The following SLC2A9 variants were observed in gnomAD, a reference collection of about 807,000 sequenced individuals.
The protein encoded by SLC2A9 is solute carrier family 2, facilitated glucose transporter member 9.
Under a neutral mutation model 50.6 loss-of-function variants are expected in SLC2A9, and 39 were observed. That is an observed-to-expected ratio of 0.77 (90% CI 0.60 to 1.01). The LOEUF is 1.01. Ranked by LOEUF, SLC2A9 falls within the 50% of genes least tolerant of loss-of-function variation. The pLI is 0.00. For synonymous variants in SLC2A9, 324 were observed against 276.9 expected, an observed-to-expected ratio of 1.17 and a Z score of -1.69; for missense variants, 686 against 677.6, an observed-to-expected ratio of 1.01 and a Z score of -0.14.
At chr4:9,878,145 CAT>C (rs936756552) in intron 10 of SLC2A9, among the ~76,000 whole-genome samples, 12 of 150,420 alleles carry the variant, frequency 8.0e-5, no homozygotes, top group Non-Finnish European at 8.9e-5. Flanking sequence ...CACACACACA[CAT>C]ATATATATAT....
intron 10 of SLC2A9, among the ~76,000 whole-genome samples, chr4:9,838,218 AGAT>A (rs1398979012): frequency 5.3e-5 from 8 of 152,276 alleles, no homozygotes; most frequent in East Asian, 1.9e-4. Flanking sequence ...GTGATGAAGA[AGAT>A]GATGATGGTA....
intron 6 of SLC2A9, among the ~76,000 whole-genome samples, chr4:9,923,394 A>G (rs1368082590): frequency 6.6e-6 from 1 of 152,082 alleles, no homozygotes; most frequent in African/African-American, 2.4e-5. Flanking sequence ...TGGAGCCACT[A>G]TTGTTTGGGA....
chr4:10,022,913 T>G (rs1763603718), upstream of SLC2A9, among the ~76,000 whole-genome samples: 1 of 152,134 alleles, frequency 6.6e-6, no homozygotes, highest in African/African-American at 2.4e-5. Flanking sequence ...AGTCATTCAG[T>G]GCAATCGTCC....
At chr4:9,806,053 T>C (rs2108961803) in intron 3 of SLC2A9, among the ~76,000 whole-genome samples, 1 of 152,306 alleles carries the variant, frequency 6.6e-6, no homozygotes, top group South Asian at 2.1e-4. Context: ...AAGGAAAGAA[T>C]GCAGAGAAGG....
At chr4:9,845,591 G>A (rs1248349627) in intron 10 of SLC2A9, among the ~76,000 whole-genome samples, 3 of 149,060 alleles carry the variant, frequency 2.0e-5, no homozygotes, top group Non-Finnish European at 3.0e-5. Context: ...TACCACGACC[G>A]GCTAATTTTT....
chr4:9,783,305 G>C (rs1187122781), intron 3 of SLC2A9: 1 of 1,614,220 alleles, frequency 6.2e-7, no homozygotes. Context: ...CCGGGAGGTG[G>C]ACAACGACGA....
Position 9,908,299 on chromosome 4 carries a change from G to C in SLC2A9, c.1049C>G (p.Pro350Arg), listed in dbSNP as rs2280205. The C allele has an allele frequency of 1.2e-6, 2 of 1,613,686 alleles. No individual in the cohort carries two copies. Among genetic ancestry groups the C allele is most frequent in the Admixed American group, 1.7e-5 (1 of 60,002 alleles). Residue 350 changes from proline to arginine, a missense_variant, in exon 8 of 12, where the codon CCG (proline) becomes CGG (arginine). Physicochemically the swap from Pro to Arg is moderately radical, Grantham distance 103. Transcript: ENST00000264784. ...NSIFGKAGIP[P>R]AKIPYVTLST... The stretch of plus-strand genomic sequence containing the variant: ...CAAGGTGACGTATGGGATCTTTGCC[G>C]GAGGGATCCCAGCTTTTCCAAAGAT...
chr4:10,033,681 A>C (rs1764006431), intron 1 of SLC2A9, among the ~76,000 whole-genome samples: 1 of 152,154 alleles, frequency 6.6e-6, no homozygotes, highest in Non-Finnish European at 1.5e-5. Flanking sequence ...TTCAGTGAGC[A>C]AGCTCTCTGC....
intron 11 of SLC2A9, among the ~76,000 whole-genome samples, chr4:9,831,065 TCAGA>T (rs1705633436): frequency 1.3e-5 from 2 of 152,204 alleles, no homozygotes; most frequent in South Asian, 2.1e-4. Context: ...CTCTACTGGC[TCAGA>T]CATTTTATTC....
At chr4:9,987,982 T>C (rs934663676) in intron 3 of SLC2A9, among the ~76,000 whole-genome samples, 1 of 152,234 alleles carries the variant, frequency 6.6e-6, no homozygotes, top group African/African-American at 2.4e-5. Context: ...AGAACTAGCG[T>C]TTCCCCCCTG....
At chr4:9,844,662 C>T (rs1014350790) in intron 10 of SLC2A9, among the ~76,000 whole-genome samples, 18 of 152,232 alleles carry the variant, frequency 1.2e-4, no homozygotes, top group African/African-American at 3.9e-4. Context: ...GGTCTAACAA[C>T]CAAGCTGTCT....
chr4:10,029,569 A>T (rs543536544), intron 1 of SLC2A9, among the ~76,000 whole-genome samples: 237 of 105,188 alleles, frequency 2.3e-3, no homozygotes, highest in African/African-American at 8.1e-3. Flanking sequence ...TATTTTATTT[A>T]TTTTATATTT....
At chr4:9,958,061 A>T (rs1158512243) in intron 5 of SLC2A9, among the ~76,000 whole-genome samples, 1 of 152,222 alleles carries the variant, frequency 6.6e-6, no homozygotes, top group Non-Finnish European at 1.5e-5. Flanking sequence ...GTGATCAAAA[A>T]TAAGAAAGGC....
chr4:9,818,794 TGTGA>T (rs1238327035), intron 3 of SLC2A9, among the ~76,000 whole-genome samples: 18 of 152,144 alleles, frequency 1.2e-4, no homozygotes, highest in South Asian at 4.1e-4. Context: ...GTCTAGCCCT[TGTGA>T]GTGTGTGTGG....
At position 9,870,096 on chromosome 4, in the gene SLC2A9, A is replaced by G. The variant is rs113561771; in HGVS notation, c.1291+17471T>C. On this transcript the variant is annotated intron_variant, in intron 10 of 11. Coordinates refer to ENST00000264784, the MANE Select transcript of SLC2A9 (RefSeq NM_020041.3). ...GCCAAGGAGCACTGGCAGCTGCCAG[A>G]GGCCAGGAGAGGCGTGTGGAAGGGA... Among the ~76,000 whole-genome samples the G allele has an allele frequency of 5.6e-3, 858 of 152,338 alleles. 7 individuals are homozygous for G. The highest frequency in any genetic ancestry group is 0.019 in the African/African-American group (807 of 41,576).
At position 9,984,005 on chromosome 4, in the gene SLC2A9, A is replaced by G. The variant is rs79893309; in HGVS notation, c.535+1664T>C. Among the ~76,000 whole-genome samples the G allele has an allele frequency of 6.8e-3, 1,032 of 152,324 alleles. 8 individuals are homozygous for G. The highest frequency in any genetic ancestry group is 0.024 in the African/African-American group (991 of 41,560). On this transcript the variant is annotated intron_variant, in intron 4 of 11. Coordinates refer to ENST00000264784, the MANE Select transcript of SLC2A9 (RefSeq NM_020041.3). ...TCTTTCATTACAGGAGGAGATCAAA[A>G]AAAATGAAAAGCATGAACACAGTTG...
chr4:9,831,597 C>A (rs186375917), intron 11 of SLC2A9, among the ~76,000 whole-genome samples: 11 of 152,146 alleles, frequency 7.2e-5, no homozygotes, highest in Non-Finnish European at 1.3e-4. Flanking sequence ...TGCACTCTTG[C>A]GCTGCCGCCC....
At chr4:9,803,461 G>A (rs1326928741) in intron 3 of SLC2A9, among the ~76,000 whole-genome samples, 1 of 152,166 alleles carries the variant, frequency 6.6e-6, no homozygotes, top group Non-Finnish European at 1.5e-5. Flanking sequence ...TTACAGATGA[G>A]AAACTGAGGC....
rs59081583 is a variant in SLC2A9 at position 9,886,424 on chromosome 4, C to CTGTGTG, written c.1291+1137_1291+1142dup. 5.4e-3 allele frequency among the ~76,000 whole-genome samples: 733 copies of CTGTGTG among 135,666 alleles called. 3 individuals are homozygous for CTGTGTG. The highest frequency in any genetic ancestry group is 0.016 in the African/African-American group (577 of 36,928). 89.0% of individuals were successfully genotyped at this position (135,666 alleles called of 152,430 possible). ...AGCCGTTCTGACCACCCTCATAGCA[C>CTGTGTG]TGTGTGTGTGTGTGTGTGTGTGTGT... On this transcript the variant is annotated intron_variant, in intron 10 of 11. Transcript: ENST00000264784.
Sources: gnomAD v4.1 joint callset for allele counts (sites outside exome capture counted in the v4.1 genomes callset) on GRCh38, gnomAD v4.1.1 for gene constraint, MANE v1.5 for transcripts, NCBI Gene and HGNC (gene_info 2026-07-23, HGNC 2026-07-21) for gene names.